Variants in TJP1 observed in about 807,000 individuals in gnomAD.
TJP1 encodes the protein tight junction protein ZO-1.
Under a neutral mutation model 194.2 loss-of-function variants are expected in TJP1, and 43 were observed. The observed-to-expected ratio is 0.22, with a 90% CI of 0.17 to 0.29. TJP1 has a LOEUF of 0.29. Among genes scored for constraint, TJP1 ranks in the 10% least tolerant of loss-of-function variants. TJP1 has a pLI of 1.00. For synonymous variants in TJP1, 801 were observed against 779.0 expected (o/e 1.03, Z -0.47); for missense variants, 1,971 against 2,185.7 (o/e 0.90, Z 1.96).
At chr15:29,828,471 A>AT (rs2050739838) in intron 2 of TJP1, among the ~76,000 whole-genome samples, 1 of 152,062 alleles carries the variant, frequency 6.6e-6, no homozygotes, top group African/African-American at 2.4e-5. Flanking sequence ...AAAAGGAATT[A>AT]TTTTCTGGAT....
intron 2 of TJP1, among the ~76,000 whole-genome samples, chr15:29,778,623 T>C (rs2047163999): frequency 6.6e-6 from 1 of 152,160 alleles, no homozygotes; most frequent in African/African-American, 2.4e-5. Context: ...TGCCTTTGAA[T>C]ACAACTCCAA....
In TJP1 at chr15:29,705,646, T is replaced by C; in HGVS notation, c.4950A>G (p.Ile1650Met). 6.2e-7 allele frequency: 1 copy of C among 1,614,230 alleles called. No individual in the cohort carries two copies. Among genetic ancestry groups the C allele is most frequent in the Non-Finnish European group, 8.5e-7 (1 of 1,180,044 alleles). ...GGATAATTATACTAACACCAGTTTC[T>C]ATGGAACTCAGCACGCCCCCATTGC... ...FNSNGGVLSS[I>M]ETGVSIIIPQ... is the part of the protein sequence containing the mutation. Residue 1650 changes from isoleucine (I) to methionine (M), a missense_variant, in exon 26 of 28, where the codon ATA (isoleucine) becomes ATG (methionine). Coordinates refer to ENST00000614355, the MANE Select transcript of TJP1 (RefSeq NM_001330239.4).
intron 2 of TJP1, among the ~76,000 whole-genome samples, chr15:29,890,259 T>A (rs2053259546): frequency 1.3e-5 from 2 of 152,214 alleles, no homozygotes; most frequent in South Asian, 4.1e-4. Flanking sequence ...ATGAACTGAT[T>A]GTTATACATA....
At chr15:29,967,586 G>T in intron 1 of TJP1, among the ~76,000 whole-genome samples, 1 of 152,274 alleles carries the variant, frequency 6.6e-6, no homozygotes, top group South Asian at 2.1e-4. Flanking sequence ...ACTGAATTCT[G>T]AACTTTGCTG....
chr15:29,767,407 T>C (rs1049616502), intron 4 of TJP1, among the ~76,000 whole-genome samples: 11 of 152,206 alleles, frequency 7.2e-5, no homozygotes, highest in African/African-American at 2.7e-4. Flanking sequence ...CTATCTTATT[T>C]CCAATTCCTT....
chr15:29,765,441 G>C (rs961061279), intron 5 of TJP1, among the ~76,000 whole-genome samples: 2 of 152,158 alleles, frequency 1.3e-5, no homozygotes, highest in African/African-American at 4.8e-5. Flanking sequence ...GCCACAGTCA[G>C]ATCCATTTTT....
chr15:29,826,655 T>C (rs184891830), upstream of TJP1, among the ~76,000 whole-genome samples: 51 of 152,312 alleles, frequency 3.3e-4, no homozygotes, highest in Non-Finnish European at 5.9e-4. Context: ...CCTCTTTCTG[T>C]ATCATCTTCA....
intron 8 of TJP1, among the ~76,000 whole-genome samples, chr15:29,754,935 C>T (rs1469734882): frequency 6.6e-6 from 1 of 152,096 alleles, no homozygotes; most frequent in Non-Finnish European, 1.5e-5. Context: ...TTATAGTTCT[C>T]AAATGCTGAC....
rs765958739 is a variant in TJP1, at chr15:29,927,116, TCAAGACCAGCTTGGC to T, written c.306+29101_306+29115del. Among the ~76,000 whole-genome samples the T allele has an allele frequency of 1.7e-3, 263 of 152,278 alleles. 2 individuals are homozygous for T. Among genetic ancestry groups the T allele is most frequent in the Non-Finnish European group, 2.1e-3 (145 of 68,028 alleles). On this transcript the variant is annotated intron_variant, in intron 2 of 28. Transcript: ENST00000356107. ...GGGTGCATCACCTGAGGTCAAGAGT[TCAAGACCAGCTTGGC>T]CAACATGGTGAAACCCCATCTGTAC... is the stretch of plus-strand genomic sequence containing the variant.
chr15:29,746,346 C>A (rs971232763), intron 8 of TJP1, among the ~76,000 whole-genome samples: 4 of 151,830 alleles, frequency 2.6e-5, no homozygotes, highest in Non-Finnish European at 5.9e-5. Flanking sequence ...CCACTGCACT[C>A]CAGCCTGGAC....
chr15:29,902,285 C>T (rs1266504326), intron 2 of TJP1, among the ~76,000 whole-genome samples: 1 of 151,854 alleles, frequency 6.6e-6, no homozygotes, highest in Non-Finnish European at 1.5e-5. Flanking sequence ...AGTATAGATT[C>T]AACTGCTTGG....
downstream of TJP1, chr15:29,700,077 T>C (rs2041449676): frequency 5.1e-6 from 2 of 389,410 alleles, no homozygotes; most frequent in Non-Finnish European, 9.1e-6. Context: ...TAGGGATTTG[T>C]GTGCAGGATT....
chr15:29,795,858 C>T (rs575532139), intron 2 of TJP1, among the ~76,000 whole-genome samples: 1 of 152,032 alleles, frequency 6.6e-6, no homozygotes, highest in African/African-American at 2.4e-5. Context: ...CAACAAACAA[C>T]AAGAAATCCA....
In TJP1 at chr15:29,925,109, A is replaced by G. The variant is rs149185637; in HGVS notation, c.306+31123T>C. ...GAGAGCTGATTATGCTATGCAAACA[A>G]CCAGGGGTTGTGGCAGTCTACAATT... On this transcript the variant is annotated intron_variant, in intron 2 of 28. Transcript: ENST00000356107. Among the ~76,000 whole-genome samples the G allele has an allele frequency of 2.6e-5, 4 of 152,332 alleles. No homozygotes were observed. In the East Asian group the frequency reaches 7.7e-4, roughly 29 times the overall value.
chr15:29,869,805 T>A lies in TJP1; in HGVS notation c.307-69103A>T, dbSNP rs1211969838. Among the ~76,000 whole-genome samples, 5 of 123,210 alleles carry A rather than the reference T, an allele frequency of 4.1e-5. No homozygotes were observed. In the East Asian group the frequency reaches 9.4e-4, roughly 23 times the overall value. 80.8% of individuals were successfully genotyped at this position (123,210 alleles called of 152,430 possible). ...TTTCTTTCTTTCTTTCTTTTTTTTT[T>A]TTTTTTTTTTTTTTTTTTTGAGACA... On this transcript the variant is annotated intron_variant, in intron 2 of 28. Coordinates refer to the TJP1 transcript ENST00000356107.
At chr15:29,764,184 A>G (rs982898454) in intron 5 of TJP1, among the ~76,000 whole-genome samples, 1 of 152,220 alleles carries the variant, frequency 6.6e-6, no homozygotes, top group African/African-American at 2.4e-5. Flanking sequence ...TTCAGAGGGC[A>G]GAAACACAAG....
At chr15:29,864,915 C>T (rs963925831) in intron 2 of TJP1, among the ~76,000 whole-genome samples, 3 of 152,140 alleles carry the variant, frequency 2.0e-5, no homozygotes, top group Admixed American at 1.3e-4. Context: ...GTTGGTAAAA[C>T]TGTTTTCTAA....
chr15:29,819,346 T>C (rs1269259076), intron 1 of TJP1, among the ~76,000 whole-genome samples: 1 of 142,494 alleles, frequency 7.0e-6, no homozygotes, highest in Non-Finnish European at 1.5e-5. Flanking sequence ...GCTGGCTAAA[T>C]GAACTTAAAA....
chr15:29,849,789 G>A (rs987658404), intron 2 of TJP1, among the ~76,000 whole-genome samples: 1 of 151,586 alleles, frequency 6.6e-6, no homozygotes. Flanking sequence ...TGTCCAGGCT[G>A]GTCTTGAATT....
Sources: allele counts gnomAD v4.1 joint callset (sites outside exome capture counted in the v4.1 genomes callset), GRCh38; gene constraint gnomAD v4.1.1; transcripts MANE v1.5; gene names NCBI Gene and HGNC (gene_info 2026-07-23, HGNC 2026-07-21).